SDCCAG8: variants seen among roughly 807,000 people sequenced by gnomAD.
SDCCAG8 encodes the protein SHH signaling and ciliogenesis regulator SDCCAG8, also known as serologically defined colon cancer antigen 8.
A neutral mutation model predicts 101.8 loss-of-function variants in SDCCAG8; 74 were observed. That is an observed-to-expected ratio of 0.73 (90% CI 0.60 to 0.88). SDCCAG8 has a LOEUF of 0.88. Among genes scored for constraint, SDCCAG8 ranks in the 40% least tolerant of loss-of-function variants. The pLI is 0.00. For missense variants in SDCCAG8, 787 were observed against 822.6 expected (o/e 0.96, Z 0.53); for synonymous variants, 281 against 292.9 (o/e 0.96, Z 0.41).
intron 10 of SDCCAG8, among the ~76,000 whole-genome samples, chr1:243,335,154 ATGCTGAGAGT>A (rs1262847839): frequency 1.2e-4 from 19 of 152,206 alleles, no homozygotes; most frequent in Non-Finnish European, 7.3e-5. Flanking sequence ...TATGGCTAAA[ATGCTGAGAGT>A]TCAGAGGATC....
At chr1:243,499,687 G>C (rs927738350) in intron 17 of SDCCAG8, 69 bp from the exon 18 acceptor site, 1 of 1,261,374 alleles carries the variant, frequency 7.9e-7, no homozygotes, top group African/African-American at 1.5e-5. Context: ...GACTAAACCA[G>C]CAAATGAGAA....
At chr1:243,464,614 T>C (rs892462519) in intron 16 of SDCCAG8, among the ~76,000 whole-genome samples, 3 of 152,252 alleles carry the variant, frequency 2.0e-5, no homozygotes, top group Non-Finnish European at 4.4e-5. Context: ...AATAATACTG[T>C]GTATTTACAT....
Position 243,256,107 on chromosome 1 carries a change from G to T in SDCCAG8, c.-67G>T, listed in dbSNP as rs959858895. ...GGCGCTCCCCGGCCACAGGCCTGTT[G>T]TTCTCGGAAGGGAGAAAGCTGGACA... On this transcript the variant is annotated 5_prime_UTR_variant, in exon 1 of 18. Transcript: ENST00000366541. The T allele has an allele frequency of 1.9e-5, 29 of 1,493,218 alleles. No homozygotes were observed. Among genetic ancestry groups the T allele is most frequent in the South Asian group, 4.5e-5 (4 of 88,676 alleles). The allele number at this position is 1,493,218 out of a possible 1,614,324, so 92.5% of individuals were successfully genotyped here.
chr1:243,408,841 C>T (rs1216783213), intron 13 of SDCCAG8, among the ~76,000 whole-genome samples: 1 of 152,146 alleles, frequency 6.6e-6, no homozygotes, highest in East Asian at 1.9e-4. Context: ...ATGTAAAGAC[C>T]TTAGCTTATG....
chr1:243,413,960 C>G (rs2080379185), intron 13 of SDCCAG8, among the ~76,000 whole-genome samples: 1 of 152,210 alleles, frequency 6.6e-6, no homozygotes, highest in East Asian at 1.9e-4. Context: ...TAGCAGCCTT[C>G]CTTTCCCCTA....
intron 1 of SDCCAG8, among the ~76,000 whole-genome samples, chr1:243,264,643 AAGAC>A (rs1482569594): frequency 6.6e-6 from 1 of 152,156 alleles, no homozygotes; most frequent in Non-Finnish European, 1.5e-5. Flanking sequence ...GAAAATGGAC[AAGAC>A]AGACTGAAAT....
intron 8 of SDCCAG8, among the ~76,000 whole-genome samples, chr1:243,311,720 G>C (rs2072744516): frequency 6.6e-6 from 1 of 151,508 alleles, no homozygotes; most frequent in Admixed American, 6.6e-5. Flanking sequence ...TTTGAGACCA[G>C]TCTGGGCAAC....
chr1:243,412,097 G>A (rs1387881853), intron 13 of SDCCAG8, among the ~76,000 whole-genome samples: 1 of 152,124 alleles, frequency 6.6e-6, no homozygotes, highest in African/African-American at 2.4e-5. Flanking sequence ...TGAACTCCCT[G>A]CTAGGGGCAA....
intron 16 of SDCCAG8, among the ~76,000 whole-genome samples, chr1:243,471,615 G>T (rs557615223): frequency 2.6e-5 from 4 of 152,218 alleles, no homozygotes; most frequent in East Asian, 1.9e-4. Context: ...TCAGGGGTTG[G>T]GGGGTGGAGG....
In SDCCAG8 at chr1:243,474,467, G is replaced by A. The variant is rs1457838280; in HGVS notation, c.1986-14547G>A. ...CGGGACTCGGCCGAGCCCGGGCCTA[G>A]TATCCAGAGTCGAAGCAGCCGCCGG... On this transcript the variant is annotated intron_variant, in intron 16 of 17. Transcript: ENST00000366541. This position sits in a 1 kb window ranked among gnomAD's most constrained non-coding sequence, Gnocchi z 4.7. 6.6e-6 allele frequency among the ~76,000 whole-genome samples: 1 copy of A among 152,182 alleles called. No homozygotes were observed. Among genetic ancestry groups the A allele is most frequent in the Non-Finnish European group, 1.5e-5 (1 of 68,010 alleles).
chr1:243,355,819 A>G (rs2076350483), intron 12 of SDCCAG8, among the ~76,000 whole-genome samples: 1 of 152,100 alleles, frequency 6.6e-6, no homozygotes, highest in African/African-American at 2.4e-5. Flanking sequence ...TATGTTGCCC[A>G]GGCTGGTTTT....
intron 10 of SDCCAG8, among the ~76,000 whole-genome samples, chr1:243,333,567 G>A (rs1334315387): frequency 6.6e-6 from 1 of 152,114 alleles, no homozygotes; most frequent in East Asian, 1.9e-4. Context: ...GTCCATACAT[G>A]TTGTCTTTAT....
chr1:243,304,309 G>T (rs10926986), intron 6 of SDCCAG8, among the ~76,000 whole-genome samples: 16,924 of 152,192 alleles, frequency 0.11, 1,225 homozygotes, highest in Non-Finnish European at 0.15. Context: ...CTATCATCAT[G>T]TGATATAAAA....
chr1:243,295,387 G>A (rs1354037833), intron 6 of SDCCAG8, among the ~76,000 whole-genome samples: 1 of 152,056 alleles, frequency 6.6e-6, no homozygotes, highest in Non-Finnish European at 1.5e-5. Flanking sequence ...ACAGGTGTGC[G>A]CCACCATGCC....
chr1:243,435,134 G>A (rs1238567009), intron 16 of SDCCAG8, among the ~76,000 whole-genome samples: 4 of 152,196 alleles, frequency 2.6e-5, no homozygotes, highest in Non-Finnish European at 5.9e-5. Context: ...CATGCTTTAA[G>A]CTACCTTCAA....
intron 16 of SDCCAG8, among the ~76,000 whole-genome samples, chr1:243,463,812 G>A (rs756374313): frequency 3.9e-5 from 6 of 152,084 alleles, no homozygotes; most frequent in Non-Finnish European, 7.4e-5. Context: ...CGACATCTTC[G>A]ATAGGGAGGG....
intron 13 of SDCCAG8, among the ~76,000 whole-genome samples, chr1:243,411,813 T>TTATC (rs2080202088): frequency 6.6e-6 from 1 of 152,208 alleles, no homozygotes; most frequent in African/African-American, 2.4e-5. Context: ...ATACCACAGT[T>TTATC]TATCCATTGA....
At chr1:243,265,137 C>T (rs1045976747) in intron 1 of SDCCAG8, among the ~76,000 whole-genome samples, 5 of 152,288 alleles carry the variant, frequency 3.3e-5, no homozygotes, top group South Asian at 2.1e-4. Context: ...GAGTGTTATT[C>T]TTCTTCACAT....
chr1:243,487,267 GC>G lies in SDCCAG8; in HGVS notation c.1986-1739del, dbSNP rs368519930. Reference sequence around the variant, plus strand: ...CCGCTCACTGTTCAGGACAGCCCGGGCCCCCCCCTGGGGCCTTGCAGGAGAG... The same window carrying G: ...CCGCTCACTGTTCAGGACAGCCCGGGCCCCCCCTGGGGCCTTGCAGGAGAG... On this transcript the variant is annotated intron_variant, in intron 16 of 17. Transcript: ENST00000366541. Among the ~76,000 whole-genome samples the G allele has an allele frequency of 9.2e-5, 14 of 151,736 alleles. No individual in the cohort carries two copies. The East Asian group carries it at 2.1e-3, about 23-fold the overall frequency.
Sources: allele counts gnomAD v4.1 joint callset (sites outside exome capture counted in the v4.1 genomes callset), GRCh38; gene constraint gnomAD v4.1.1; non-coding constraint Gnocchi (gnomAD v3.1); transcripts MANE v1.5; gene names NCBI Gene and HGNC (gene_info 2026-07-23, HGNC 2026-07-21).